The following CFAP68 variants were observed in gnomAD, a reference collection of about 807,000 sequenced individuals.
The protein encoded by CFAP68 is cilia- and flagella-associated protein 68.
At chr11:111,883,586 C>G in the CFAP68 span, among the ~76,000 whole-genome samples, 6 of 148,788 alleles carry the variant, frequency 4.0e-5, no homozygotes, top group East Asian at 2.0e-4. Flanking sequence ...GAGTGAGACT[C>G]TATCTCAAAA....
the CFAP68 span, chr11:111,881,717 T>C: frequency 7.7e-7 from 1 of 1,303,628 alleles, no homozygotes; most frequent in South Asian, 1.6e-5. Context: ...ATTGATCATC[T>C]GGTATATGCA....
chr11:111,883,730 GT>G, the CFAP68 span: 1 of 1,410,242 alleles, frequency 7.1e-7, no homozygotes, highest in South Asian at 1.2e-5. Flanking sequence ...AGTGTTGACT[GT>G]TTTCATTTGT....
chr11:111,880,851 C>G, the CFAP68 span: 1 of 452,206 alleles, frequency 2.2e-6, no homozygotes, highest in Non-Finnish European at 4.4e-6. Flanking sequence ...CTGTTGTAAG[C>G]CATTTTAACA....
chr11:111,883,167 C>G, the CFAP68 span: 2 of 1,579,714 alleles, frequency 1.3e-6, no homozygotes, highest in Non-Finnish European at 1.7e-6. Flanking sequence ...ACATATGATA[C>G]AAGCTACAAC....
At chr11:111,883,370 A>G in the CFAP68 span, among the ~76,000 whole-genome samples, 3 of 152,130 alleles carry the variant, frequency 2.0e-5, no homozygotes, top group Non-Finnish European at 4.4e-5. Context: ...CAGGCAGATC[A>G]CTTGAGGTCA....
chr11:111,883,702 C>A, the CFAP68 span: 1 of 1,027,532 alleles, frequency 9.7e-7, no homozygotes, highest in Non-Finnish European at 1.5e-6. Flanking sequence ...AGAGCAAGAT[C>A]AGTTACTAAA....
chr11:111,882,383 T>G, the CFAP68 span: 2 of 1,614,032 alleles, frequency 1.2e-6, no homozygotes, highest in Non-Finnish European at 1.7e-6. Context: ...GAACCTCGCC[T>G]GTTTCCTCAC....
the CFAP68 span, chr11:111,882,521 C>T: frequency 9.2e-4 from 1,487 of 1,614,018 alleles, 34 homozygotes; most frequent in South Asian, 0.016. Context: ...CTATTCAAAC[C>T]GTACCCTGAT....
the CFAP68 span, chr11:111,882,687 C>A: frequency 8.3e-7 from 1 of 1,206,238 alleles, no homozygotes; most frequent in Non-Finnish European, 1.1e-6. Flanking sequence ...GATGTAATAA[C>A]TTCTGGTGCA....
the CFAP68 span, chr11:111,882,467 A>C: frequency 3.5e-3 from 5,625 of 1,614,204 alleles, 133 homozygotes; most frequent in East Asian, 0.072. Flanking sequence ...TAATATGTCC[A>C]AGTTTTTCCA....
chr11:111,884,091 T>C, the CFAP68 span: 5 of 438,022 alleles, frequency 1.1e-5, no homozygotes, highest in East Asian at 1.6e-4. Context: ...TTATCCCTTT[T>C]TTTGTTGTTG....
At chr11:111,879,601 T>C in the CFAP68 span, 1 of 1,613,718 alleles carries the variant, frequency 6.2e-7, no homozygotes, top group Non-Finnish European at 8.5e-7. Context: ...AAATTTCTCT[T>C]CCAGGTGCTT....
chr11:111,881,432 A>G, the CFAP68 span: 1 of 1,534,676 alleles, frequency 6.5e-7, no homozygotes, highest in East Asian at 2.4e-5. Flanking sequence ...GGTGACTCCC[A>G]AATCATGGCC....
At chr11:111,885,522 T>C in the CFAP68 span, 2 of 152,196 alleles carry the variant, frequency 1.3e-5, no homozygotes, top group Non-Finnish European at 2.9e-5. Flanking sequence ...AAGGTATTTA[T>C]AAGGATTTGA....
chr11:111,879,597 C>A, the CFAP68 span: 5 of 1,614,078 alleles, frequency 3.1e-6, no homozygotes, highest in East Asian at 4.5e-5. Context: ...CTCAAAATTT[C>A]TCTTCCAGGT....
the CFAP68 span, chr11:111,881,314 A>C: frequency 6.9e-7 from 1 of 1,444,158 alleles, no homozygotes; most frequent in East Asian, 2.5e-5. Flanking sequence ...ACATCAGTGC[A>C]TGCATCTGTC....
chr11:111,880,220 G>C, the CFAP68 span, among the ~76,000 whole-genome samples: 11 of 151,704 alleles, frequency 7.3e-5, no homozygotes, highest in African/African-American at 2.7e-4. Context: ...CTAGTTAGTA[G>C]CCTGGAGTGT....
At chr11:111,884,905 CT>C in the CFAP68 span, 1 of 152,000 alleles carries the variant, frequency 6.6e-6, no homozygotes, top group African/African-American at 2.4e-5. Context: ...AATCCCAGCA[CT>C]TTGGGAGGCT....
chr11:111,885,567 T>C, the CFAP68 span: 12 of 152,216 alleles, frequency 7.9e-5, no homozygotes, highest in East Asian at 2.1e-3. Context: ...TGAGTCAAAA[T>C]AGGGAACTAG....
Sources: allele counts gnomAD v4.1 joint callset (sites outside exome capture counted in the v4.1 genomes callset), GRCh38; gene constraint gnomAD v4.1.1; transcripts MANE v1.5; gene names NCBI Gene and HGNC (gene_info 2026-07-23, HGNC 2026-07-21).